CCDC191: variants seen among roughly 807,000 people sequenced by gnomAD.
The protein encoded by CCDC191 is coiled-coil domain-containing protein 191.
Under a neutral mutation model 114.0 loss-of-function variants are expected in CCDC191, and 99 were observed. The observed-to-expected ratio is 0.87, with a 90% CI of 0.74 to 1.03. The LOEUF is 1.03. CCDC191 is among the 50% of genes least tolerant of loss of function. CCDC191 has a pLI of 0.00. For synonymous variants in CCDC191, 351 were observed against 376.0 expected, an observed-to-expected ratio of 0.93 and a Z score of 0.77; for missense variants, 973 against 1,087.0, an observed-to-expected ratio of 0.90 and a Z score of 1.47.
intron 2 of CCDC191, 185 bp from the exon 3 acceptor site, chr3:114,046,917 A>C: frequency 1.0e-6 from 1 of 970,954 alleles, no homozygotes; most frequent in South Asian, 4.8e-5. Context: ...TTCATATATA[A>C]TATTAAATTA....
At chr3:114,004,562 T>C (rs1273771681) in intron 11 of CCDC191, 75 bp downstream of exon 11, 1 of 1,547,854 alleles carries the variant, frequency 6.5e-7, no homozygotes, top group Non-Finnish European at 8.7e-7. Flanking sequence ...GTTGCCAGAA[T>C]TCAGTCCCAG....
chr3:114,017,883 C>G (rs1399279936), intron 8 of CCDC191, among the ~76,000 whole-genome samples: 1 of 152,122 alleles, frequency 6.6e-6, no homozygotes, highest in African/African-American at 2.4e-5. Flanking sequence ...AACAAACAAC[C>G]AAATGGTTCC....
intron 5 of CCDC191, among the ~76,000 whole-genome samples, chr3:114,036,333 A>G (rs539859122): frequency 2.0e-5 from 3 of 152,346 alleles, no homozygotes; most frequent in African/African-American, 7.2e-5. Context: ...GAAGTACCAC[A>G]TTCAAACTAA....
chr3:114,003,484 G>C, intron 11 of CCDC191: 1 of 985,416 alleles, frequency 1.0e-6, no homozygotes, highest in Non-Finnish European at 1.2e-6. Context: ...AAATAGACTA[G>C]GGGATTAAAG....
At chr3:114,019,651 A>C (rs1000749874) in intron 7 of CCDC191, among the ~76,000 whole-genome samples, 1 of 152,200 alleles carries the variant, frequency 6.6e-6, no homozygotes, top group Non-Finnish European at 1.5e-5. Context: ...ATGCCATTTC[A>C]TAGTTTCCTA....
chr3:113,994,241 A>T (rs1018312699), intron 13 of CCDC191, among the ~76,000 whole-genome samples: 7 of 152,246 alleles, frequency 4.6e-5, no homozygotes, highest in Non-Finnish European at 7.3e-5. Context: ...ATCTGAACAG[A>T]TACTTCATCA....
chr3:114,005,822 C>T lies in CCDC191; in HGVS notation c.1554G>A (p.Lys518=), dbSNP rs61738786. 2 of 1,614,046 alleles carry T rather than the reference C, an allele frequency of 1.2e-6. No homozygotes were observed. The highest frequency in any genetic ancestry group is 1.7e-6 in the Non-Finnish European group (2 of 1,179,982). Residue 518 remains lysine, a synonymous_variant, in exon 10 of 17, where the codon AAG becomes AAA. Transcript: ENST00000295878. ...QNVSLSAPGN[K]QHKTLGAEPS... ...GTTCAGCACCCAGGGTCTTGTGCTG[C>T]TTATTGCCAGGTGCACTCAGAGAGA...
chr3:113,998,323 A>AG (rs1198180117), intron 13 of CCDC191, among the ~76,000 whole-genome samples: 1 of 151,744 alleles, frequency 6.6e-6, no homozygotes, highest in East Asian at 1.9e-4. Context: ...AAAAAAAAAA[A>AG]AAAAAAGTTA....
chr3:114,042,150 CA>C (rs1437879436), intron 4 of CCDC191, among the ~76,000 whole-genome samples: 1 of 152,148 alleles, frequency 6.6e-6, no homozygotes, highest in Non-Finnish European at 1.5e-5. Context: ...CACTCTGAAA[CA>C]GCATTAATTG....
intron 11 of CCDC191, chr3:114,003,834 C>G (rs1426834526): frequency 1.0e-6 from 1 of 985,308 alleles, no homozygotes; most frequent in East Asian, 1.1e-4. Flanking sequence ...ATCAAATTTA[C>G]AAACCACAAT....
chr3:114,002,922 T>C lies in CCDC191; in HGVS notation c.1979-384A>G, dbSNP rs2075881742. Reference sequence around the variant, plus strand: ...ACTTTAATTACATCTAACAAGTACTTTGAGAGTAGAATCGTTCCTCAAATC... The same window carrying C: ...ACTTTAATTACATCTAACAAGTACTCTGAGAGTAGAATCGTTCCTCAAATC... On this transcript the variant is annotated intron_variant, in intron 11 of 16. Transcript: ENST00000295878. 1.4e-5 allele frequency: 14 copies of C among 982,840 alleles called. No individual in the cohort carries two copies. The South Asian group carries it at 2.8e-4, about 20-fold the overall frequency. 60.9% of individuals were successfully genotyped at this position (982,840 alleles called of 1,614,324 possible).
At chr3:114,046,162 C>T (rs1197884474) in intron 3 of CCDC191, among the ~76,000 whole-genome samples, 1 of 152,166 alleles carries the variant, frequency 6.6e-6, no homozygotes, top group Non-Finnish European at 1.5e-5. Flanking sequence ...CCCAGGGCAT[C>T]AGTAACGAAA....
At chr3:113,969,055 G>C (rs62265444) in intron 16 of CCDC191, among the ~76,000 whole-genome samples, 11,885 of 152,174 alleles carry the variant, frequency 0.078, 504 homozygotes, top group Middle Eastern at 0.12. Flanking sequence ...CAAAGAAAAA[G>C]GGGGAGGGAG....
intron 8 of CCDC191, among the ~76,000 whole-genome samples, chr3:114,012,558 AC>A (rs1232622772): frequency 3.3e-5 from 5 of 152,252 alleles, no homozygotes; most frequent in Non-Finnish European, 7.3e-5. Context: ...TCAGATAGCA[AC>A]ACAGGTAAGA....
At chr3:114,006,817 T>A (rs1025120981) in intron 9 of CCDC191, among the ~76,000 whole-genome samples, 1 of 151,808 alleles carries the variant, frequency 6.6e-6, no homozygotes, top group Non-Finnish European at 1.5e-5. Flanking sequence ...ATTAATCATA[T>A]GCCATAGTAT....
intron 16 of CCDC191, among the ~76,000 whole-genome samples, chr3:113,969,418 TTGGCCAGACCAG>T (rs1179919606): frequency 6.6e-6 from 1 of 152,190 alleles, no homozygotes; most frequent in Admixed American, 6.5e-5. Context: ...CAAAAAATCT[TTGGCCAGACCAG>T]TGGCCTGGAG....
At chr3:113,976,182 C>T (rs1038285722) in intron 16 of CCDC191, among the ~76,000 whole-genome samples, 9 of 151,960 alleles carry the variant, frequency 5.9e-5, no homozygotes, top group Non-Finnish European at 4.4e-5. Context: ...TCGCTTGAAC[C>T]CAGGAGGCGG....
chr3:113,997,059 G>T (rs1452605271), intron 13 of CCDC191, among the ~76,000 whole-genome samples: 2 of 152,056 alleles, frequency 1.3e-5, no homozygotes, highest in East Asian at 3.9e-4. Flanking sequence ...AAGATAAATG[G>T]AACTGTACAT....
Position 114,024,042 on chromosome 3 carries a change from C to T in CCDC191, c.973-5174G>A, listed in dbSNP as rs146324371. Among the ~76,000 whole-genome samples the T allele has an allele frequency of 6.4e-4, 97 of 152,238 alleles. 1 individual carries two copies. Among genetic ancestry groups the T allele is most frequent in the African/African-American group, 2.0e-3 (85 of 41,542 alleles). On this transcript the variant is annotated intron_variant, in intron 7 of 16. Transcript: ENST00000295878. ...ATATACAACCCCATCAACAAGTGGG[C>T]GAAGGATTTGAACACTTCTCAAAAG...
Sources: gnomAD v4.1 joint callset for allele counts (sites outside exome capture counted in the v4.1 genomes callset) on GRCh38, gnomAD v4.1.1 for gene constraint, MANE v1.5 for transcripts, NCBI Gene and HGNC (gene_info 2026-07-23, HGNC 2026-07-21) for gene names.